COBLL1: variants seen among roughly 807,000 people sequenced by gnomAD.
COBLL1 encodes cordon-bleu protein-like 1.
A neutral mutation model predicts 94.8 loss-of-function variants in COBLL1; 50 were observed. The observed-to-expected ratio is 0.53, with a 90% CI of 0.42 to 0.67. COBLL1 has a LOEUF of 0.67. Ranked by LOEUF, COBLL1 falls within the 30% of genes least tolerant of loss-of-function variation. The pLI is 0.00. For missense variants in COBLL1, 1,362 were observed against 1,348.7 expected, an observed-to-expected ratio of 1.01 and a Z score of -0.15; for synonymous variants, 448 against 473.8, an observed-to-expected ratio of 0.95 and a Z score of 0.71.
At chr2:164,759,290 T>TA (rs981106841) in intron 2 of COBLL1, among the ~76,000 whole-genome samples, 7 of 152,172 alleles carry the variant, frequency 4.6e-5, no homozygotes, top group African/African-American at 1.7e-4. Context: ...TTTGCCAAAA[T>TA]AATTTTCCTA....
At chr2:164,716,369 A>G (rs1314651644) in intron 7 of COBLL1, among the ~76,000 whole-genome samples, 1 of 152,184 alleles carries the variant, frequency 6.6e-6, no homozygotes, top group Non-Finnish European at 1.5e-5. Flanking sequence ...TCATCAGGAA[A>G]AATCATATTT....
At chr2:164,676,530 C>A (rs1691339262), downstream of COBLL1, among the ~76,000 whole-genome samples, 1 of 152,118 alleles carries the variant, frequency 6.6e-6, no homozygotes, top group Non-Finnish European at 1.5e-5. Context: ...TTCATATTTC[C>A]TTAAAATGAA....
intron 7 of COBLL1, among the ~76,000 whole-genome samples, chr2:164,716,230 T>C (rs1379688656): frequency 6.6e-6 from 1 of 152,200 alleles, no homozygotes; most frequent in African/African-American, 2.4e-5. Context: ...AATTTCTGAC[T>C]TCCCATTTCA....
chr2:164,841,663 G>A lies in COBLL1; in HGVS notation c.-51+47C>T. ...ACGCCCTAGGAAAACTTTTCCCGAAGAGAAGTTGGGAGGGCTGATCTCTCT... is the reference window on the plus strand; with the variant it reads ...ACGCCCTAGGAAAACTTTTCCCGAAAAGAAGTTGGGAGGGCTGATCTCTCT... On this transcript the variant is annotated intron_variant, in intron 1 of 13. Coordinates refer to ENST00000652658, the MANE Select transcript of COBLL1 (RefSeq NM_001365672.2). The surrounding 1 kb of genome is among the most constrained non-coding windows in gnomAD (Gnocchi z 5.5). 1.1e-5 allele frequency: 4 copies of A among 364,616 alleles called. No homozygotes were observed. The highest frequency in any genetic ancestry group is 1.9e-5 in the Non-Finnish European group (4 of 205,852). The allele number at this position is 364,616 out of a possible 1,614,324, so 22.6% of individuals were successfully genotyped here. A position where few individuals can be genotyped will look rare whatever the true frequency, so the allele number is the denominator to read the frequency against.
intron 11 of COBLL1, chr2:164,696,337 C>A (rs903013636): frequency 6.6e-6 from 1 of 152,134 alleles, no homozygotes; most frequent in Admixed American, 6.6e-5. Context: ...TCATACCTAA[C>A]ATTAAAAGGA....
chr2:164,678,647 A>T (rs1682906871), downstream of COBLL1, among the ~76,000 whole-genome samples: 1 of 152,200 alleles, frequency 6.6e-6, no homozygotes, highest in Non-Finnish European at 1.5e-5. Context: ...TAAATAAACA[A>T]TAAGCCACAA....
intron 2 of COBLL1, among the ~76,000 whole-genome samples, chr2:164,770,573 G>C (rs1207437084): frequency 6.6e-6 from 1 of 151,956 alleles, no homozygotes; most frequent in South Asian, 2.1e-4. Context: ...TTCCTGGCCC[G>C]CCCAACTACC....
At chr2:164,678,328 T>C (rs181471454), downstream of COBLL1, among the ~76,000 whole-genome samples, 10 of 152,186 alleles carry the variant, frequency 6.6e-5, no homozygotes, top group African/African-American at 2.4e-4. Flanking sequence ...ATGATGGAGA[T>C]AATATGTCAG....
chr2:164,775,967 G>A (rs1287741719), intron 2 of COBLL1, among the ~76,000 whole-genome samples: 2 of 151,768 alleles, frequency 1.3e-5, no homozygotes, highest in Admixed American at 6.6e-5. Context: ...CTCAATAACA[G>A]CCCCAATACA....
upstream of COBLL1, chr2:164,841,876 AG>A: frequency 9.2e-7 from 1 of 1,089,760 alleles, no homozygotes; most frequent in Non-Finnish European, 1.3e-6. This position sits in a 1 kb window ranked among gnomAD's most constrained non-coding sequence, Gnocchi z 5.5. Flanking sequence ...GGGCCGACTC[AG>A]CACCTCCCCT....
At chr2:164,699,747 TAAAATAGACACTTTTCC>T (rs1684153854) in intron 10 of COBLL1, among the ~76,000 whole-genome samples, 1 of 152,194 alleles carries the variant, frequency 6.6e-6, no homozygotes, top group South Asian at 2.1e-4. Context: ...AGAAGCTTGG[TAAAATAGACACTTTTCC>T]AAAATAGTGG....
chr2:164,816,729 T>C (rs896002627), intron 2 of COBLL1, among the ~76,000 whole-genome samples: 4 of 152,116 alleles, frequency 2.6e-5, no homozygotes, highest in Admixed American at 6.6e-5. Context: ...GCATGACCAA[T>C]AGTCAAAAGA....
chr2:164,742,197 C>A (rs1686632936), intron 3 of COBLL1, among the ~76,000 whole-genome samples: 1 of 151,890 alleles, frequency 6.6e-6, no homozygotes, highest in Non-Finnish European at 1.5e-5. Context: ...AAAACAAAAT[C>A]TGAAGAACCC....
At chr2:164,771,955 C>T in intron 2 of COBLL1, 1 of 151,822 alleles carries the variant, frequency 6.6e-6, no homozygotes, top group East Asian at 1.9e-4. Context: ...TTAGCTTTTT[C>T]CTTTTCCATA....
chr2:164,735,004 T>A (rs1249577549), intron 3 of COBLL1, among the ~76,000 whole-genome samples: 1 of 152,150 alleles, frequency 6.6e-6, no homozygotes, highest in Admixed American at 6.5e-5. Flanking sequence ...ATAAAGGGCA[T>A]TGAACCTTCC....
rs1166071061 is a variant in COBLL1, at chr2:164,805,275, TTCTC to T, written c.41+35877_41+35880del. Among the ~76,000 whole-genome samples the T allele has an allele frequency of 2.3e-4, 23 of 100,094 alleles. 1 individual carries two copies. In the South Asian group the frequency reaches 6.1e-3, roughly 27 times the overall value. 65.7% of individuals were successfully genotyped at this position (100,094 alleles called of 152,430 possible). On this transcript the variant is annotated intron_variant, in intron 2 of 13. Coordinates refer to ENST00000652658, the MANE Select transcript of COBLL1 (RefSeq NM_001365672.2). ...CTAATGAACCAATACTGATATATTATTCTCTCTGTCTGTCTCTCTCTCTCTCTCT... is the reference window on the plus strand; with the variant it reads ...CTAATGAACCAATACTGATATATTATTCTGTCTGTCTCTCTCTCTCTCTCT...
At chr2:164,742,181 G>C (rs979703287) in intron 3 of COBLL1, among the ~76,000 whole-genome samples, 7 of 151,988 alleles carry the variant, frequency 4.6e-5, no homozygotes, top group Admixed American at 3.3e-4. Flanking sequence ...AGTCACTGAG[G>C]TTTAAAAAAC....
intron 7 of COBLL1, among the ~76,000 whole-genome samples, chr2:164,715,640 T>C (rs1386687115): frequency 6.6e-6 from 1 of 152,058 alleles, no homozygotes; most frequent in Admixed American, 6.6e-5. Context: ...AATATAAAAT[T>C]GCATAAAAGA....
At chr2:164,708,869 G>A (rs1347404882) in intron 7 of COBLL1, among the ~76,000 whole-genome samples, 1 of 152,198 alleles carries the variant, frequency 6.6e-6, no homozygotes, top group Admixed American at 6.5e-5. Context: ...TAATAAAAAT[G>A]TGTTCACCTT....
Sources: gnomAD v4.1 joint callset for allele counts (sites outside exome capture counted in the v4.1 genomes callset) on GRCh38, gnomAD v4.1.1 for gene constraint, Gnocchi (gnomAD v3.1) non-coding constraint, MANE v1.5 for transcripts, NCBI Gene and HGNC (gene_info 2026-07-23, HGNC 2026-07-21) for gene names.